MYO5C: variants seen among roughly 807,000 people sequenced by gnomAD.
MYO5C encodes unconventional myosin-Vc.
A neutral mutation model predicts 235.7 loss-of-function variants in MYO5C; 194 were observed. The observed-to-expected ratio is 0.82, with a 90% confidence interval of 0.73 to 0.93. MYO5C has a LOEUF of 0.93. MYO5C is among the 40% of genes least tolerant of loss of function. The probability of loss-of-function intolerance (pLI) is 0.00; values close to 1 mark genes in which losing one functional copy is unlikely to be tolerated. For missense variants in MYO5C, 2,038 were observed against 2,127.2 expected (o/e 0.96, Z 0.82); for synonymous variants, 707 against 754.8 (o/e 0.94, Z 1.04).
At chr15:52,275,455 C>G in intron 5 of MYO5C, 107 bp downstream of exon 5, 1 of 1,407,444 alleles carries the variant, frequency 7.1e-7, no homozygotes, top group South Asian at 1.2e-5. Context: ...GCCCTCACTT[C>G]TTTAGTCTTT....
chr15:52,249,128 G>A (rs2036417121), intron 13 of MYO5C, among the ~76,000 whole-genome samples: 2 of 152,156 alleles, frequency 1.3e-5, no homozygotes, highest in African/African-American at 4.8e-5. Flanking sequence ...ACCAGGAGGA[G>A]GAAAAAGCTT....
chr15:52,262,084 C>A (rs543741923), intron 9 of MYO5C, among the ~76,000 whole-genome samples: 1 of 152,258 alleles, frequency 6.6e-6, no homozygotes, highest in South Asian at 2.1e-4. Context: ...TTCCTTCCTT[C>A]TAAGAAAGAA....
intron 30 of MYO5C, 79 bp downstream of exon 30, chr15:52,221,083 A>G: frequency 9.0e-7 from 1 of 1,112,818 alleles, no homozygotes. Flanking sequence ...AAAAGCCCTG[A>G]GTACAAGGAC....
chr15:52,208,448 G>A (rs2035370065), intron 36 of MYO5C, 106 bp downstream of exon 36: 1 of 973,086 alleles, frequency 1.0e-6, no homozygotes, highest in Middle Eastern at 2.5e-4. Context: ...ATAATGTGCT[G>A]TTGGCCTCCT....
Position 52,236,225 on chromosome 15 carries a change from G to A in MYO5C, c.2869-462C>T, listed in dbSNP as rs554080525. On this transcript the variant is annotated intron_variant, in intron 22 of 40. Transcript: ENST00000261839. ...ACTTCTCCTGGTAAAGTGTCTGCTGGGCTGGCAGCAGGCCCCGTGGTGCTG... is the reference window on the plus strand; with the variant it reads ...ACTTCTCCTGGTAAAGTGTCTGCTGAGCTGGCAGCAGGCCCCGTGGTGCTG... Among the ~76,000 whole-genome samples, 281 of 152,330 alleles carry A rather than the reference G, an allele frequency of 1.8e-3. 1 individual carries two copies. The highest frequency in any genetic ancestry group is 6.5e-3 in the African/African-American group (270 of 41,580).
At position 52,232,465 on chromosome 15, in the gene MYO5C, G is replaced by A. The variant is rs775053696; in HGVS notation, c.3026+157C>T. Among the ~76,000 whole-genome samples, 5 of 152,252 alleles carry A rather than the reference G, an allele frequency of 3.3e-5. 1 individual carries two copies. Among genetic ancestry groups the A allele is most frequent in the Non-Finnish European group, 7.4e-5 (5 of 68,016 alleles). ...TTCAGTATCTGACAGTACACATTGT[G>A]GAACTTAGCTCTCATAAATCTCTAA... On this transcript the variant is annotated intron_variant, in intron 24 of 40. Transcript: ENST00000261839.
In MYO5C at chr15:52,193,934, T is replaced by G. The variant is rs1369814451; in HGVS notation, c.5197A>C (p.Ser1733Arg). Residue 1733 changes from serine (S) to arginine (R), a missense_variant, in exon 41 of 41, where the codon AGT becomes CGT. Coordinates refer to ENST00000261839, the MANE Select transcript of MYO5C (RefSeq NM_018728.4). ...CTATTCAGAAAGCCTAGCTTGAAAC[T>G]GCTGGGGATCTGAATCATTTCCAGA... Reference protein sequence around the residue: ...HALEMIQIPSSFKLGFLNRL With the variant: ...HALEMIQIPSRFKLGFLNRL 4 of 1,613,348 alleles carry G rather than the reference T, an allele frequency of 2.5e-6. No homozygotes were observed. The highest frequency in any genetic ancestry group is 2.5e-6 in the Non-Finnish European group (3 of 1,179,772).
intron 23 of MYO5C, among the ~76,000 whole-genome samples, chr15:52,233,781 G>A (rs2036020949): frequency 6.6e-6 from 1 of 152,222 alleles, no homozygotes; most frequent in Non-Finnish European, 1.5e-5. Flanking sequence ...ATGGGAGAAT[G>A]GCAGTGCAGC....
chr15:52,278,848 G>T (rs779049041), intron 4 of MYO5C, 25 bp downstream of exon 4: 1 of 1,612,384 alleles, frequency 6.2e-7, no homozygotes, highest in Non-Finnish European at 8.5e-7. Context: ...AGAGCAAGGG[G>T]AAGTCCAGCT....
chr15:52,294,795 G>A (rs901935967), intron 1 of MYO5C, among the ~76,000 whole-genome samples: 1 of 152,122 alleles, frequency 6.6e-6, no homozygotes. Context: ...CTGCCCTTCC[G>A]AGGTAAGAGG....
chr15:52,279,525 G>C lies in MYO5C; in HGVS notation c.288C>G (p.Leu96=). 4 of 1,613,246 alleles carry C rather than the reference G, an allele frequency of 2.5e-6. No homozygotes were observed. The highest frequency in any genetic ancestry group is 3.4e-6 in the Non-Finnish European group (4 of 1,179,234). ...TCTCCTTACCACTGTAGGTGTAAAT[G>C]AGTTTGGATTCTGCAAAGCGGATTC... ...NLRIRFAESK[L]IYTYSGIILV... The change falls in exon 3 of 41, where the codon CTC becomes CTG. Residue 96 remains leucine, a synonymous_variant. Transcript: ENST00000261839.
Position 52,218,597 on chromosome 15 carries a change from C to T in MYO5C, c.3876G>A (p.Leu1292=). The change falls in exon 32 of 41, where the codon TTG becomes TTA. Residue 1292 remains leucine (L), a synonymous_variant. Transcript: ENST00000261839. ...IQEMQEASDH[L]KKQFETESEV... ...CACTTTCAGTTTCAAATTGTTTCTTCAAGTGGTCACTGGCCTCCTGCATTT... is the reference window on the plus strand; with the variant it reads ...CACTTTCAGTTTCAAATTGTTTCTTTAAGTGGTCACTGGCCTCCTGCATTT... 1 of 1,614,190 alleles carries T rather than the reference C, an allele frequency of 6.2e-7. No individual in the cohort carries two copies. Among genetic ancestry groups the T allele is most frequent in the Non-Finnish European group, 8.5e-7 (1 of 1,180,036 alleles).
chr15:52,237,203 G>A (rs1566973596), intron 22 of MYO5C: 1 of 270,434 alleles, frequency 3.7e-6, no homozygotes. Context: ...AAGGGAGGCA[G>A]CCAGCCAGGG....
At chr15:52,232,491 T>C in intron 24 of MYO5C, 131 bp downstream of exon 24, 2 of 809,002 alleles carry the variant, frequency 2.5e-6, no homozygotes, top group Non-Finnish European at 4.2e-6. Context: ...AAATCTCTAA[T>C]CTCACTTCCT....
intron 2 of MYO5C, among the ~76,000 whole-genome samples, chr15:52,281,310 T>A (rs2037157687): frequency 6.6e-6 from 1 of 152,132 alleles, no homozygotes; most frequent in South Asian, 2.1e-4. Flanking sequence ...TGACAAAGGG[T>A]TGAGCTAAAG....
intron 1 of MYO5C, among the ~76,000 whole-genome samples, chr15:52,293,571 C>T (rs1267469509): frequency 1.3e-5 from 2 of 152,102 alleles, no homozygotes; most frequent in Non-Finnish European, 2.9e-5. Context: ...CACTCAAGGG[C>T]ACCACCCTGC....
In MYO5C at chr15:52,295,647, G is replaced by T; in HGVS notation, c.-11C>A. On this transcript the variant is annotated 5_prime_UTR_variant, in exon 1 of 41. Transcript: ENST00000261839. ...CTCGGCCACCGCCATGGGCAGGAGG[G>T]GCCGGGGCCAGGCCGGGGCTGCCGA... 2.1e-6 allele frequency: 3 copies of T among 1,461,428 alleles called. No individual in the cohort carries two copies. The highest frequency in any genetic ancestry group is 2.7e-6 in the Non-Finnish European group (3 of 1,110,046). The allele number at this position is 1,461,428 out of a possible 1,614,324, so 90.5% of individuals were successfully genotyped here.
intron 32 of MYO5C, among the ~76,000 whole-genome samples, chr15:52,217,441 C>A (rs902133316): frequency 6.6e-6 from 1 of 152,194 alleles, no homozygotes; most frequent in Admixed American, 6.5e-5. Context: ...CACACATGAC[C>A]CACCCATGTA....
chr15:52,204,931 GCC>G lies in MYO5C; in HGVS notation c.4752_4753del (p.Ala1585GlyfsTer33), dbSNP rs2035271161. The G allele has an allele frequency of 6.2e-7, 1 of 1,614,078 alleles. No individual in the cohort carries two copies. Among genetic ancestry groups the G allele is most frequent in the Non-Finnish European group, 8.5e-7 (1 of 1,180,042 alleles). ...CAGGAAGAGGCTGTTCAGCGTGACC[GCC>G]CCGATCAAGAAGAAGAGCTGCTTCA... On this transcript the variant is annotated frameshift_variant, in exon 38 of 41. Transcript: ENST00000261839. LOFTEE classifies it high-confidence loss of function.
Sources: gnomAD v4.1 joint callset for allele counts (sites outside exome capture counted in the v4.1 genomes callset) on GRCh38, gnomAD v4.1.1 for gene constraint, MANE v1.5 for transcripts, NCBI Gene and HGNC (gene_info 2026-07-23, HGNC 2026-07-21) for gene names.